The following PDCD6IP variants were observed in gnomAD, a reference collection of about 807,000 sequenced individuals.
PDCD6IP encodes programmed cell death 6-interacting protein.
Under a neutral mutation model 103.7 loss-of-function variants are expected in PDCD6IP, and 43 were observed. The observed-to-expected ratio is 0.41, with a 90% confidence interval of 0.32 to 0.53. The LOEUF is 0.53. PDCD6IP is among the 20% of genes least tolerant of loss of function. PDCD6IP has a pLI of 0.16. For missense variants in PDCD6IP, 871 were observed against 1,036.7 expected (o/e 0.84, Z 2.20); for synonymous variants, 354 against 378.7 (o/e 0.93, Z 0.76).
At chr3:33,803,230 A>G (rs1168741354) in intron 1 of PDCD6IP, among the ~76,000 whole-genome samples, 1 of 152,224 alleles carries the variant, frequency 6.6e-6, no homozygotes, top group Non-Finnish European at 1.5e-5. Flanking sequence ...TCAGCTCTCC[A>G]CAGTGCTTGT....
chr3:33,847,212 C>T (rs1697611432), intron 12 of PDCD6IP, among the ~76,000 whole-genome samples: 1 of 152,140 alleles, frequency 6.6e-6, no homozygotes, highest in Admixed American at 6.5e-5. Flanking sequence ...AATTATGTGG[C>T]TTTCGTCCTT....
At chr3:33,800,837 ACTT>A (rs1278312017) in intron 1 of PDCD6IP, among the ~76,000 whole-genome samples, 1 of 152,206 alleles carries the variant, frequency 6.6e-6, no homozygotes, top group Non-Finnish European at 1.5e-5. Context: ...CTTCAGAAGC[ACTT>A]GGTGCATGGG....
chr3:33,836,720 A>C (rs183128365), intron 8 of PDCD6IP, among the ~76,000 whole-genome samples: 2 of 150,652 alleles, frequency 1.3e-5, no homozygotes, highest in Admixed American at 1.3e-4. Context: ...TTAACTGGGC[A>C]TGGTGGTGCA....
At chr3:33,819,201 A>T (rs1696930786) in intron 3 of PDCD6IP, among the ~76,000 whole-genome samples, 2 of 151,946 alleles carry the variant, frequency 1.3e-5, no homozygotes, top group Non-Finnish European at 2.9e-5. Flanking sequence ...TTAATTTTAA[A>T]ACTTGAAAAA....
chr3:33,830,948 G>T (rs1275140997), intron 7 of PDCD6IP, among the ~76,000 whole-genome samples: 1 of 152,076 alleles, frequency 6.6e-6, no homozygotes, highest in African/African-American at 2.4e-5. Context: ...TCTAGTTATG[G>T]CTACTAGCAA....
In PDCD6IP at chr3:33,825,274, G is replaced by A. The variant is rs748286766; in HGVS notation, c.550G>A (p.Val184Ile). Reference sequence around the variant, plus strand: ...GACCGTGGACATATCTCCAGATACTGTTGGGACCCTCAGTCTTATTATGCT... The same window carrying A: ...GACCGTGGACATATCTCCAGATACTATTGGGACCCTCAGTCTTATTATGCT... ...EPTVDISPDT[V>I]GTLSLIMLAQ... Residue 184 changes from valine to isoleucine, a missense_variant, in exon 5 of 18, where the codon GTT (valine) becomes ATT (isoleucine). Around this residue, in one of 5 missense-constraint regions of PDCD6IP, gnomAD observed 242 missense variants for 250.7 expected, o/e 0.97. Transcript: ENST00000307296. The A allele has an allele frequency of 1.2e-6, 2 of 1,613,666 alleles. No homozygotes were observed. The highest frequency in any genetic ancestry group is 3.3e-5 in the Admixed American group (2 of 59,920).
intron 12 of PDCD6IP, among the ~76,000 whole-genome samples, chr3:33,848,021 A>T (rs756299496): frequency 2.6e-5 from 4 of 152,138 alleles, no homozygotes; most frequent in Non-Finnish European, 5.9e-5. Context: ...TAGAGCATAA[A>T]GAGAATTGTT....
intron 12 of PDCD6IP, among the ~76,000 whole-genome samples, chr3:33,849,836 A>T (rs907900597): frequency 2.6e-5 from 4 of 152,228 alleles, no homozygotes; most frequent in Non-Finnish European, 5.9e-5. Flanking sequence ...CTGCATATGA[A>T]TTTTTTTAAA....
chr3:33,808,691 C>T (rs998484925), intron 1 of PDCD6IP, among the ~76,000 whole-genome samples: 1 of 152,178 alleles, frequency 6.6e-6, no homozygotes, highest in African/African-American at 2.4e-5. Flanking sequence ...TACTTCTGCT[C>T]GTGCACACCT....
intron 14 of PDCD6IP, chr3:33,854,559 T>C (rs1697788695): frequency 1.3e-5 from 2 of 152,410 alleles, no homozygotes; most frequent in African/African-American, 4.8e-5. Flanking sequence ...TTTAAGTTTT[T>C]TCAGATGCAT....
chr3:33,863,872 AG>A (rs1698005684), intron 15 of PDCD6IP, 133 bp from the exon 16 acceptor site: 23 of 656,734 alleles, frequency 3.5e-5, no homozygotes, highest in Non-Finnish European at 5.7e-5. Context: ...TTTGAAATGT[AG>A]TATATTTTAA....
chr3:33,844,386 T>TA (rs1321208209), intron 11 of PDCD6IP, among the ~76,000 whole-genome samples, 163 bp downstream of exon 11: 1 of 152,240 alleles, frequency 6.6e-6, no homozygotes, highest in Non-Finnish European at 1.5e-5. Context: ...AATCTGCCAA[T>TA]TGTCAGAAGT....
chr3:33,834,942 A>C (rs1036791820), intron 7 of PDCD6IP, among the ~76,000 whole-genome samples: 1 of 152,160 alleles, frequency 6.6e-6, no homozygotes, highest in Admixed American at 6.5e-5. Flanking sequence ...GCTGAGACAG[A>C]TATGTTAAAA....
In PDCD6IP at chr3:33,853,866, T is replaced by G; in HGVS notation, c.1891-13T>G. 1 of 1,435,000 alleles carries G rather than the reference T, an allele frequency of 7.0e-7. No homozygotes were observed. The highest frequency in any genetic ancestry group is 9.2e-7 in the Non-Finnish European group (1 of 1,088,954). The allele number at this position is 1,435,000 out of a possible 1,614,324, so 88.9% of individuals were successfully genotyped here. A position where few individuals can be genotyped will look rare whatever the true frequency, so the allele number is the denominator to read the frequency against. On this transcript the variant is annotated splice_polypyrimidine_tract_variant and intron_variant, in intron 13 of 17. Transcript: ENST00000307296. ...TAAATAAATGTAAATATGTAAATCT[T>G]TCTTTTAACAAGGTCTCACATCAGG...
At chr3:33,804,806 T>G (rs1024336280) in intron 1 of PDCD6IP, among the ~76,000 whole-genome samples, 3 of 152,224 alleles carry the variant, frequency 2.0e-5, no homozygotes, top group Non-Finnish European at 2.9e-5. Context: ...AGTGCTTGAT[T>G]AATGATTTTT....
chr3:33,852,437 CTTTT>C (rs59048229), intron 12 of PDCD6IP, 47 bp from the exon 13 acceptor site: 472 of 1,040,712 alleles, frequency 4.5e-4, no homozygotes, highest in Admixed American at 8.6e-4. Flanking sequence ...TCGAAATTGG[CTTTT>C]TTTTTTTTTT....
intron 15 of PDCD6IP, 178 bp from the exon 16 acceptor site, chr3:33,863,828 A>T: frequency 1.8e-6 from 1 of 568,840 alleles, no homozygotes; most frequent in Non-Finnish European, 3.1e-6. Context: ...TTTTTGAGGG[A>T]CCTCCATACT....
rs533966919 is a variant in PDCD6IP at position 33,857,337 on chromosome 3, C to T, written c.2120+2077C>T. ...CTGGCATTACAGGTGTGCACCACCA[C>T]GCCTGGCTAATTTTTGTATTTTTAG... On this transcript the variant is annotated intron_variant, in intron 15 of 17. Coordinates refer to ENST00000307296, the MANE Select transcript of PDCD6IP (RefSeq NM_013374.6). Among the ~76,000 whole-genome samples, 21 of 152,120 alleles carry T rather than the reference C, an allele frequency of 1.4e-4. 1 individual carries two copies. In the South Asian group the frequency reaches 1.9e-3, roughly 14 times the overall value.
chr3:33,834,988 C>T (rs1466892320), intron 7 of PDCD6IP, among the ~76,000 whole-genome samples: 2 of 151,936 alleles, frequency 1.3e-5, no homozygotes, highest in Non-Finnish European at 2.9e-5. Flanking sequence ...GTGTCAATTT[C>T]TCATTATAAT....
Sources: gnomAD v4.1 joint callset for allele counts (sites outside exome capture counted in the v4.1 genomes callset) on GRCh38, gnomAD v4.1.1 for gene constraint, gnomAD v4.1.1 regional missense constraint, MANE v1.5 for transcripts, NCBI Gene and HGNC (gene_info 2026-07-23, HGNC 2026-07-21) for gene names.